Variants in TMEM51 observed in about 807,000 individuals in gnomAD.
TMEM51 encodes the protein transmembrane protein 51.
In TMEM51, 8 loss-of-function variants were observed where a neutral mutation model predicts 13.6. That is an observed-to-expected ratio of 0.59 (90% confidence interval 0.35 to 1.07). TMEM51 has a LOEUF of 1.07. Ranked by LOEUF, TMEM51 falls within the 50% of genes least tolerant of loss-of-function variation. The pLI is 0.02. For missense variants in TMEM51, 279 were observed against 330.7 expected, an observed-to-expected ratio of 0.84 and a Z score of 1.21; for synonymous variants, 147 against 144.4, an observed-to-expected ratio of 1.02 and a Z score of -0.13.
At chr1:15,181,090 T>C (rs1029173982) in intron 1 of TMEM51, among the ~76,000 whole-genome samples, 4 of 152,206 alleles carry the variant, frequency 2.6e-5, no homozygotes, top group Non-Finnish European at 4.4e-5. Flanking sequence ...CACATCCCTC[T>C]TCTACCAGCT....
chr1:15,189,775 C>T (rs975602861), intron 1 of TMEM51, among the ~76,000 whole-genome samples: 5 of 152,160 alleles, frequency 3.3e-5, no homozygotes, highest in Admixed American at 6.5e-5. Flanking sequence ...TGGCTGGTAC[C>T]GGGGCAGGGC....
chr1:15,216,508 G>A (rs1232905929), intron 3 of TMEM51, among the ~76,000 whole-genome samples: 1 of 152,158 alleles, frequency 6.6e-6, no homozygotes, highest in Non-Finnish European at 1.5e-5. Context: ...CTGTTGGAGA[G>A]TTGTAGGGAA....
chr1:15,182,321 T>C (rs1208193359), intron 1 of TMEM51, among the ~76,000 whole-genome samples: 1 of 152,244 alleles, frequency 6.6e-6, no homozygotes, highest in East Asian at 1.9e-4. Flanking sequence ...TCTTCCTCTG[T>C]GAGCCTCAGT....
At chr1:15,195,139 C>T (rs1358074091) in intron 1 of TMEM51, among the ~76,000 whole-genome samples, 5 of 151,664 alleles carry the variant, frequency 3.3e-5, no homozygotes, top group African/African-American at 1.2e-4. Context: ...CGTCATGTTG[C>T]CCAGGCTGGT....
chr1:15,207,918 C>T lies in TMEM51; in HGVS notation c.-266-2572C>T, dbSNP rs999822304. 6.6e-6 allele frequency among the ~76,000 whole-genome samples: 1 copy of T among 152,196 alleles called. No individual in the cohort carries two copies. The highest frequency in any genetic ancestry group is 1.5e-5 in the Non-Finnish European group (1 of 68,040). On this transcript the variant is annotated intron_variant, in intron 1 of 3. Coordinates refer to ENST00000376008, the MANE Select transcript of TMEM51 (RefSeq NM_001136218.2). This position sits in a 1 kb window ranked among gnomAD's most constrained non-coding sequence, Gnocchi z 4.6. ...TCCTGCAAGTTAGCTTTTATTAATC[C>T]TCTCCCCTTCAGGCTTGGACTGGGA... is the stretch of plus-strand genomic sequence containing the variant.
intron 1 of TMEM51, among the ~76,000 whole-genome samples, chr1:15,193,109 G>A (rs1287882046): frequency 6.6e-6 from 1 of 152,242 alleles, no homozygotes; most frequent in Non-Finnish European, 1.5e-5. Flanking sequence ...CACCGGCGTA[G>A]CAGCCCGCAG....
chr1:15,194,038 T>C (rs10927712), intron 1 of TMEM51, among the ~76,000 whole-genome samples: 190 of 152,334 alleles, frequency 1.2e-3, no homozygotes, highest in African/African-American at 4.3e-3. Context: ...TCAACAAACA[T>C]CTATTAAGCT....
intron 2 of TMEM51, among the ~76,000 whole-genome samples, chr1:15,213,199 G>A (rs369561876): frequency 2.6e-5 from 4 of 152,306 alleles, no homozygotes; most frequent in African/African-American, 9.6e-5. Flanking sequence ...TGCCTAACTC[G>A]CTACTTAGGA....
Position 15,187,670 on chromosome 1 carries a change from T to G in TMEM51, c.-266-22820T>G, listed in dbSNP as rs541573026. On this transcript the variant is annotated intron_variant, in intron 1 of 3. Coordinates refer to ENST00000376008, the MANE Select transcript of TMEM51 (RefSeq NM_001136218.2). ...TTTCCTGCTAACAGCCCAGAGGCAT[T>G]CCCACCACGGTGATTTATGACCCTC... 3.3e-5 allele frequency among the ~76,000 whole-genome samples: 5 copies of G among 152,178 alleles called. No individual in the cohort carries two copies. The South Asian group carries it at 8.3e-4, about 25-fold the overall frequency.
upstream of TMEM51, among the ~76,000 whole-genome samples, chr1:15,153,552 G>C (rs742675): frequency 2.0e-5 from 3 of 151,852 alleles, no homozygotes; most frequent in Admixed American, 1.3e-4. Context: ...CGCTCAGCGC[G>C]CTCCAGCGGC....
intron 1 of TMEM51, among the ~76,000 whole-genome samples, chr1:15,194,115 CA>C (rs1643997075): frequency 6.6e-6 from 1 of 152,246 alleles, no homozygotes; most frequent in South Asian, 2.1e-4. Flanking sequence ...CAAAAATTCA[CA>C]CCCTTGAAAG....
At chr1:15,153,608 G>T (rs1389342168), upstream of TMEM51, 1 of 152,062 alleles carries the variant, frequency 6.6e-6, no homozygotes, top group African/African-American at 2.4e-5. Flanking sequence ...GCGATCCCTC[G>T]CCTCGGGCCC....
intron 1 of TMEM51, among the ~76,000 whole-genome samples, chr1:15,169,493 T>G (rs1643159366): frequency 6.6e-6 from 1 of 152,176 alleles, no homozygotes; most frequent in South Asian, 2.1e-4. Context: ...CGTGAGACTA[T>G]GTTGCCTGGT....
chr1:15,157,512 G>T (rs1642628731), intron 1 of TMEM51, among the ~76,000 whole-genome samples: 1 of 152,172 alleles, frequency 6.6e-6, no homozygotes, highest in Non-Finnish European at 1.5e-5. Context: ...TGTCTTGAAT[G>T]ATTTTGAGGA....
intron 1 of TMEM51, chr1:15,164,450 T>G: frequency 4.4e-6 from 2 of 456,082 alleles, no homozygotes; most frequent in South Asian, 3.1e-5. Flanking sequence ...CTTTGGGTTT[T>G]GGGAAAGAAT....
intron 1 of TMEM51, among the ~76,000 whole-genome samples, chr1:15,199,929 A>G (rs1454293787): frequency 6.6e-6 from 1 of 152,108 alleles, no homozygotes; most frequent in African/African-American, 2.4e-5. Context: ...ATGATGTGTG[A>G]AACATATTAG....
At position 15,159,671 on chromosome 1, in the gene TMEM51, C is replaced by T. The variant is rs144742154; in HGVS notation, c.-267+5717C>T. Among the ~76,000 whole-genome samples the T allele has an allele frequency of 4.7e-3, 719 of 152,306 alleles. 3 individuals are homozygous for T. Among genetic ancestry groups the T allele is most frequent in the African/African-American group, 0.016 (685 of 41,564 alleles). On this transcript the variant is annotated intron_variant, in intron 1 of 3. Transcript: ENST00000376008. ...TCCCAGGTTCAAGCGATTCTCCTAC[C>T]TCAGCCTCCCTAGTAGCTGGGACTA...
At chr1:15,193,836 C>T (rs760328627) in intron 1 of TMEM51, among the ~76,000 whole-genome samples, 4 of 152,288 alleles carry the variant, frequency 2.6e-5, no homozygotes, top group Non-Finnish European at 2.9e-5. Context: ...GGATTACAGG[C>T]GTGAGCCACT....
rs748204095 is a variant in TMEM51, at chr1:15,219,383, C to T, written c.402C>T (p.Tyr134=). 11 of 1,609,534 alleles carry T rather than the reference C, an allele frequency of 6.8e-6. No homozygotes were observed. Among genetic ancestry groups the T allele is most frequent in the East Asian group, 2.2e-5 (1 of 44,740 alleles). Residue 134 remains tyrosine (Y), a synonymous_variant, in exon 4 of 4, where the codon TAC becomes TAT. Coordinates refer to ENST00000376008, the MANE Select transcript of TMEM51 (RefSeq NM_001136218.2). ...CCTCAAGGTACTATGTTCCCAGCTA[C>T]GAGGAAGTGATGAACACAAACTACT... ...EAASRYYVPS[Y]EEVMNTNYSE...
Sources: gnomAD v4.1 joint callset for allele counts (sites outside exome capture counted in the v4.1 genomes callset) on GRCh38, gnomAD v4.1.1 for gene constraint, Gnocchi (gnomAD v3.1) non-coding constraint, MANE v1.5 for transcripts, NCBI Gene and HGNC (gene_info 2026-07-23, HGNC 2026-07-21) for gene names.